NOC3L: variants seen among roughly 807,000 people sequenced by gnomAD.
NOC3L encodes nucleolar complex protein 3 homolog.
In NOC3L, 85 loss-of-function variants were observed where a neutral mutation model predicts 102.5. The observed-to-expected ratio is 0.83, with a 90% CI of 0.70 to 0.99. NOC3L has a LOEUF of 0.99. NOC3L is among the 50% of genes least tolerant of loss of function. The probability of loss-of-function intolerance (pLI) is 0.00; values close to 1 mark genes in which losing one functional copy is unlikely to be tolerated. For synonymous variants in NOC3L, 303 were observed against 309.4 expected (o/e 0.98, Z 0.22); for missense variants, 878 against 914.9 (o/e 0.96, Z 0.52).
the NOC3L span, chr10:94,324,309 TTC>T: frequency 4.7e-6 from 7 of 1,491,490 alleles, no homozygotes; most frequent in Non-Finnish European, 6.6e-6. Context: ...ATGTTGGAGA[TTC>T]TGTGTCTTTA....
intron 10 of NOC3L, among the ~76,000 whole-genome samples, 153 bp downstream of exon 10, chr10:94,349,097 G>C (rs975316727): frequency 6.6e-6 from 1 of 152,010 alleles, no homozygotes; most frequent in Non-Finnish European, 1.5e-5. Flanking sequence ...ACTGTTAATA[G>C]TATCAAACAT....
In NOC3L at chr10:94,355,035, CTT is replaced by C; in HGVS notation, c.622_623del (p.Lys208GlufsTer24). ...GCATCTTCTTCTCCTGTAATTTCTT[CTT>C]TCTCTCAATCAAATGTTCTTCTATG... ...LTIEEHLIER[K>X]KKLQEKKMHI... On this transcript the variant is annotated frameshift_variant, in exon 6 of 21. Transcript: ENST00000371361. LOFTEE classifies it high-confidence loss of function. 1 of 1,612,948 alleles carries C rather than the reference CTT, an allele frequency of 6.2e-7. No individual in the cohort carries two copies. Among genetic ancestry groups the C allele is most frequent in the Non-Finnish European group, 8.5e-7 (1 of 1,179,502 alleles).
chr10:94,344,589 T>C, intron 12 of NOC3L, 74 bp from the exon 13 acceptor site: 1 of 1,034,636 alleles, frequency 9.7e-7, no homozygotes, highest in South Asian at 1.5e-5. Flanking sequence ...TAAGTATCAC[T>C]TCAACAGGTT....
rs200536046 is a variant in NOC3L at position 94,344,804 on chromosome 10, A to G, written c.1470+49T>C. Reference sequence around the variant, plus strand: ...AGCTGAAACAATAAATTTCTAGTTTAAACAACTTAACGCATTTTAAAAGCA... The same window carrying G: ...AGCTGAAACAATAAATTTCTAGTTTGAACAACTTAACGCATTTTAAAAGCA... On this transcript the variant is annotated intron_variant, in intron 12 of 20. Transcript: ENST00000371361. 5.5e-5 allele frequency: 78 copies of G among 1,413,766 alleles called. No individual in the cohort carries two copies. In the African/African-American group the frequency reaches 1.0e-3, roughly 18 times the overall value. The allele number at this position is 1,413,766 out of a possible 1,614,324, so 87.6% of individuals were successfully genotyped here.
At chr10:94,340,772 G>C (rs1470130380) in intron 14 of NOC3L, among the ~76,000 whole-genome samples, 1 of 151,950 alleles carries the variant, frequency 6.6e-6, no homozygotes, top group Non-Finnish European at 1.5e-5. Context: ...ACGAGGTCAG[G>C]AGATCAAGAC....
In NOC3L at chr10:94,346,399, G is replaced by A. The variant is rs1348465183; in HGVS notation, c.1389+26C>T. 4 of 1,430,110 alleles carry A rather than the reference G, an allele frequency of 2.8e-6. No individual in the cohort carries two copies. The Admixed American group carries it at 1.1e-4, about 40-fold the overall frequency. 88.6% of individuals were successfully genotyped at this position (1,430,110 alleles called of 1,614,324 possible). On this transcript the variant is annotated intron_variant, in intron 11 of 20. Coordinates refer to ENST00000371361, the MANE Select transcript of NOC3L (RefSeq NM_022451.11). Reference sequence around the variant, plus strand: ...GATCAAATAAACAGAAAATTTAAATGAAACAAAAGGGGAAATAAGTCAAAC... The same window carrying A: ...GATCAAATAAACAGAAAATTTAAATAAAACAAAAGGGGAAATAAGTCAAAC...
chr10:94,326,340 G>T, the NOC3L span, among the ~76,000 whole-genome samples: 1 of 152,166 alleles, frequency 6.6e-6, no homozygotes, highest in Non-Finnish European at 1.5e-5. Flanking sequence ...CAGCCCAAAA[G>T]AAGGCCCAAT....
At position 94,358,222 on chromosome 10, in the gene NOC3L, C is replaced by T. The variant is rs754310710; in HGVS notation, c.218-7G>A. ...TCCCTCTCAATCCTTTTACCTGTAC[C>T]ACACACACACACACACAAAGAAAAA... On this transcript the variant is annotated splice_region_variant and splice_polypyrimidine_tract_variant and intron_variant, in intron 2 of 20. Transcript: ENST00000371361. The T allele has an allele frequency of 1.2e-6, 1 of 851,798 alleles. No homozygotes were observed. The highest frequency in any genetic ancestry group is 1.7e-5 in the South Asian group (1 of 58,718). 52.8% of individuals were successfully genotyped at this position (851,798 alleles called of 1,614,324 possible). A position where few individuals can be genotyped will look rare whatever the true frequency, so the allele number is the denominator to read the frequency against.
At chr10:94,315,860 A>AAAAC in the NOC3L span, among the ~76,000 whole-genome samples, 1 of 152,142 alleles carries the variant, frequency 6.6e-6, no homozygotes, top group Admixed American at 6.5e-5. Flanking sequence ...CTTCAACCAT[A>AAAAC]AAACAAAATT....
intron 19 of NOC3L, 89 bp downstream of exon 19, chr10:94,337,688 A>T: frequency 1.3e-6 from 1 of 793,328 alleles, no homozygotes; most frequent in Non-Finnish European, 2.1e-6. Flanking sequence ...TACATTTTGT[A>T]GTATGTTACT....
chr10:94,334,373 A>G, intron 20 of NOC3L, 68 bp from the exon 21 acceptor site: 1 of 1,034,264 alleles, frequency 9.7e-7, no homozygotes, highest in Middle Eastern at 2.9e-4. Flanking sequence ...CCTGTGAACC[A>G]AGTTGAAAAT....
chr10:94,327,857 A>AACC, the NOC3L span: 14 of 371,714 alleles, frequency 3.8e-5, no homozygotes, highest in Non-Finnish European at 6.8e-5. Context: ...CTCTTCCCCA[A>AACC]ACCTAGCCAC....
chr10:94,330,445 T>G (rs571911334), downstream of NOC3L: 1 of 152,328 alleles, frequency 6.6e-6, no homozygotes, highest in Non-Finnish European at 1.5e-5. Context: ...TCTGGGAGGC[T>G]GAGGTGGGTG....
the NOC3L span, chr10:94,316,591 T>C: frequency 3.1e-6 from 5 of 1,608,124 alleles, no homozygotes; most frequent in East Asian, 6.7e-5. Context: ...CCACAGACTA[T>C]TTTTTGATGG....
Position 94,340,501 on chromosome 10 carries a change from A to T in NOC3L, c.1645-5T>A, listed in dbSNP as rs753813249. 18 of 739,468 alleles carry T rather than the reference A, an allele frequency of 2.4e-5. No individual in the cohort carries two copies. The highest frequency in any genetic ancestry group is 4.8e-5 in the South Asian group (2 of 41,828). The allele number at this position is 739,468 out of a possible 1,614,324, so 45.8% of individuals were successfully genotyped here. ...ACTTTCTTGATAGCTTAGGTCCTTT[A>T]AAAAAAAAAGGGGGGGGTGAGGGGG... On this transcript the variant is annotated splice_polypyrimidine_tract_variant and splice_region_variant and intron_variant, in intron 14 of 20. Transcript: ENST00000371361.
chr10:94,341,714 C>CA lies in NOC3L; in HGVS notation c.1602dup (p.Asp535Ter), dbSNP rs766565221. 9.6e-6 allele frequency: 15 copies of CA among 1,568,692 alleles called. No individual in the cohort carries two copies. Among genetic ancestry groups the CA allele is most frequent in the Non-Finnish European group, 1.3e-5 (15 of 1,155,536 alleles). On this transcript the variant is annotated frameshift_variant, in exon 14 of 21. Transcript: ENST00000371361. LOFTEE classifies it high-confidence loss of function. ...GTATGAAGAACTACTAACAGATCAT[C>CA]AAAAAATTCCACATTTATAAGGTGA... is the stretch of plus-strand genomic sequence containing the variant.
chr10:94,360,224 G>A (rs2054536861), intron 2 of NOC3L, among the ~76,000 whole-genome samples: 1 of 152,154 alleles, frequency 6.6e-6, no homozygotes, highest in Non-Finnish European at 1.5e-5. Flanking sequence ...GCTAAGGCAG[G>A]AGAATCACTT....
At chr10:94,316,162 T>C in the NOC3L span, among the ~76,000 whole-genome samples, 1 of 152,180 alleles carries the variant, frequency 6.6e-6, no homozygotes, top group African/African-American at 2.4e-5. Context: ...TGACCGAGTA[T>C]TTCCAATGTG....
intron 5 of NOC3L, 39 bp downstream of exon 5, chr10:94,356,496 T>C (rs557774771): frequency 7.7e-7 from 1 of 1,297,924 alleles, no homozygotes; most frequent in East Asian, 2.3e-5. Flanking sequence ...TGCAAAAAAA[T>C]TCTCAATTAA....
Sources: allele counts gnomAD v4.1 joint callset (sites outside exome capture counted in the v4.1 genomes callset), GRCh38; gene constraint gnomAD v4.1.1; transcripts MANE v1.5; gene names NCBI Gene and HGNC (gene_info 2026-07-23, HGNC 2026-07-21).